The following SERINC5 variants were observed in gnomAD, a reference collection of about 807,000 sequenced individuals.
SERINC5 encodes serine incorporator 5.
In SERINC5, 41 loss-of-function variants were observed where a neutral mutation model predicts 63.1. The ratio of observed to expected loss-of-function variants is 0.65; its 90% CI spans 0.51 to 0.84. The LOEUF (loss-of-function observed/expected upper bound fraction) is 0.84, where lower values mean the gene tolerates loss of function less well. SERINC5 is among the 40% of genes least tolerant of loss of function. The pLI is 0.00. For missense variants in SERINC5, 523 were observed against 573.0 expected, an observed-to-expected ratio of 0.91 and a Z score of 0.89; for synonymous variants, 222 against 215.2, an observed-to-expected ratio of 1.03 and a Z score of -0.28.
Position 80,143,556 on chromosome 5 carries a change from C to T in SERINC5, c.*107G>A. On this transcript the variant is annotated 3_prime_UTR_variant, in exon 12 of 12. Coordinates refer to ENST00000507668, the MANE Select transcript of SERINC5 (RefSeq NM_001174072.3). The stretch of plus-strand genomic sequence containing the variant: ...TTTTTTTTCTCTCTCAAAGCTTTTT[C>T]AGACCCACTCAGGCACAGGGCGCCA... 7.3e-7 allele frequency: 1 copy of T among 1,364,884 alleles called. No individual in the cohort carries two copies. The highest frequency in any genetic ancestry group is 9.4e-7 in the Non-Finnish European group (1 of 1,060,014). The allele number at this position is 1,364,884 out of a possible 1,614,324, so 84.5% of individuals were successfully genotyped here.
intron 1 of SERINC5, among the ~76,000 whole-genome samples, chr5:80,213,200 C>T (rs4235717): frequency 0.32 from 47,191 of 146,888 alleles, 7,955 homozygotes; most frequent in East Asian, 0.52. Context: ...GAGCAGAGAT[C>T]GCGCCACTGT....
intron 8 of SERINC5, among the ~76,000 whole-genome samples, chr5:80,151,886 G>A (rs997112677): frequency 4.6e-5 from 7 of 152,056 alleles, no homozygotes; most frequent in Admixed American, 3.3e-4. Flanking sequence ...GGAAAGGTGG[G>A]GACACACACT....
At chr5:80,207,919 G>A (rs1750250220) in intron 1 of SERINC5, among the ~76,000 whole-genome samples, 1 of 152,198 alleles carries the variant, frequency 6.6e-6, no homozygotes, top group Non-Finnish European at 1.5e-5. Context: ...CCTGCTGACT[G>A]AACACGTGTT....
At chr5:80,228,600 C>T (rs1751281351) in intron 1 of SERINC5, among the ~76,000 whole-genome samples, 1 of 152,090 alleles carries the variant, frequency 6.6e-6, no homozygotes, top group African/African-American at 2.4e-5. Context: ...GGACTACAGG[C>T]ACATGCCACC....
At chr5:80,210,036 C>A (rs773557628) in intron 1 of SERINC5, among the ~76,000 whole-genome samples, 4 of 148,278 alleles carry the variant, frequency 2.7e-5, no homozygotes, top group Non-Finnish European at 4.4e-5. Flanking sequence ...CTGGTCTAGG[C>A]CACAGAGATC....
chr5:80,116,831 CTCT>C (rs1354497338), intron 11 of SERINC5, among the ~76,000 whole-genome samples: 12 of 150,706 alleles, frequency 8.0e-5, no homozygotes, highest in Admixed American at 5.3e-4. Context: ...AACTGGAGAG[CTCT>C]TTTTTTTTTT....
At chr5:80,159,049 A>AC in intron 7 of SERINC5, 87 bp from the exon 8 acceptor site, 1 of 1,403,554 alleles carries the variant, frequency 7.1e-7, no homozygotes, top group South Asian at 1.2e-5. Flanking sequence ...AAATTCAGGT[A>AC]GCTGTGGTGT....
chr5:80,235,667 G>C (rs1487900363), intron 1 of SERINC5, among the ~76,000 whole-genome samples: 1 of 152,074 alleles, frequency 6.6e-6, no homozygotes, highest in Non-Finnish European at 1.5e-5. Flanking sequence ...CATGATCTTG[G>C]CTCACTGCAA....
At chr5:80,214,236 T>C (rs1236190674) in intron 1 of SERINC5, among the ~76,000 whole-genome samples, 6 of 152,094 alleles carry the variant, frequency 3.9e-5, no homozygotes, top group East Asian at 3.9e-4. Flanking sequence ...TAACAAGACA[T>C]AGATCAGCAC....
chr5:80,152,247 T>C (rs570092649), intron 8 of SERINC5, among the ~76,000 whole-genome samples: 10 of 152,252 alleles, frequency 6.6e-5, no homozygotes, highest in South Asian at 6.2e-4. Flanking sequence ...ACACCTGTAA[T>C]CTCAGCACTT....
Position 80,206,941 on chromosome 5 carries a change from ATGCCTGGCTGGT to A in SERINC5, c.28-3900_28-3889del, listed in dbSNP as rs1750197758. Among the ~76,000 whole-genome samples the A allele has an allele frequency of 1.3e-5, 2 of 150,112 alleles. 1 individual carries two copies. The highest frequency in any genetic ancestry group is 4.2e-4 in the South Asian group (2 of 4,780). ...TACAAGCACAGGACACCATGATACCATGCCTGGCTGGTTGCTAACTCTCTGTTACCCTGTGGT... is the reference window on the plus strand; with the variant it reads ...TACAAGCACAGGACACCATGATACCATGCTAACTCTCTGTTACCCTGTGGT... On this transcript the variant is annotated intron_variant, in intron 1 of 11. Transcript: ENST00000507668.
At chr5:80,208,346 T>C (rs375899675) in intron 1 of SERINC5, among the ~76,000 whole-genome samples, 5 of 148,552 alleles carry the variant, frequency 3.4e-5, no homozygotes, top group African/African-American at 1.2e-4. Flanking sequence ...TTCCTCTTAA[T>C]TGTGCTGTGA....
At chr5:80,186,128 A>G (rs1049502888) in intron 2 of SERINC5, among the ~76,000 whole-genome samples, 4 of 20,226 alleles carry the variant, frequency 2.0e-4, no homozygotes, top group African/African-American at 9.5e-4. Context: ...CTTGTTTTGA[A>G]AAAAAAAAAA....
intron 2 of SERINC5, among the ~76,000 whole-genome samples, chr5:80,181,294 T>C (rs1211220079): frequency 6.6e-6 from 1 of 152,218 alleles, no homozygotes; most frequent in African/African-American, 2.4e-5. Context: ...GTACCCAGGC[T>C]GGAGTGCAGT....
intron 2 of SERINC5, among the ~76,000 whole-genome samples, chr5:80,180,716 G>A (rs1315513334): frequency 2.6e-5 from 4 of 152,156 alleles, no homozygotes; most frequent in South Asian, 2.1e-4. Flanking sequence ...AGTAAACTCC[G>A]CTATAAAAGA....
intron 1 of SERINC5, among the ~76,000 whole-genome samples, chr5:80,218,834 C>G (rs1750781976): frequency 6.6e-6 from 1 of 152,074 alleles, no homozygotes; most frequent in Non-Finnish European, 1.5e-5. Context: ...CCCCACAAAC[C>G]ACATCACAGA....
At chr5:80,173,272 AGG>A (rs1561393242) in intron 5 of SERINC5, among the ~76,000 whole-genome samples, 21 of 150,360 alleles carry the variant, frequency 1.4e-4, no homozygotes, top group African/African-American at 5.3e-4. Context: ...GAAGGAAGGA[AGG>A]AAGGAAGAAA....
intron 2 of SERINC5, among the ~76,000 whole-genome samples, chr5:80,182,605 G>A (rs34907589): frequency 0.49 from 72,291 of 147,782 alleles, 18,373 homozygotes; most frequent in East Asian, 0.8. Context: ...GAGTGCAGTG[G>A]CGCAATCTCG....
At chr5:80,118,714 ATTTTTT>A (rs34814066) in intron 11 of SERINC5, among the ~76,000 whole-genome samples, 21 of 108,234 alleles carry the variant, frequency 1.9e-4, no homozygotes, top group South Asian at 6.1e-4. Context: ...TGTCCAGCTA[ATTTTTT>A]TTTTTTTTTT....
Sources: allele counts gnomAD v4.1 joint callset (sites outside exome capture counted in the v4.1 genomes callset), GRCh38; gene constraint gnomAD v4.1.1; transcripts MANE v1.5; gene names NCBI Gene and HGNC (gene_info 2026-07-23, HGNC 2026-07-21).